MMP16: variants seen among roughly 807,000 people sequenced by gnomAD.
MMP16 encodes the protein matrix metallopeptidase 16.
MMP16 carries 12 observed loss-of-function variants against 67.8 expected under a neutral mutation model. The ratio of observed to expected loss-of-function variants is 0.18; its 90% CI spans 0.11 to 0.29. The LOEUF (loss-of-function observed/expected upper bound fraction) is 0.29. Among genes scored for constraint, MMP16 ranks in the 10% least tolerant of loss-of-function variants. MMP16 has a pLI of 1.00. For missense variants in MMP16, 475 were observed against 765.7 expected, an observed-to-expected ratio of 0.62 and a Z score of 4.48; for synonymous variants, 249 against 255.9, an observed-to-expected ratio of 0.97 and a Z score of 0.26.
intron 1 of MMP16, among the ~76,000 whole-genome samples, chr8:88,288,341 A>AT (rs576496927): frequency 2.0e-5 from 3 of 151,640 alleles, no homozygotes; most frequent in Non-Finnish European, 4.4e-5. Context: ...TCAGGACACC[A>AT]TTTTTTTTCT....
chr8:88,184,563 GAAAAA>G (rs59310737), intron 3 of MMP16, among the ~76,000 whole-genome samples: 14 of 10,932 alleles, frequency 1.3e-3, no homozygotes, highest in African/African-American at 4.8e-3. Flanking sequence ...CTCTCTCTCT[GAAAAA>G]AAAAAAAAAA....
At chr8:88,087,122 A>T (rs1335838034) in intron 6 of MMP16, among the ~76,000 whole-genome samples, 2 of 151,846 alleles carry the variant, frequency 1.3e-5, no homozygotes, top group African/African-American at 4.9e-5. Flanking sequence ...TCCTGCTCCT[A>T]TAGTCCTAAA....
chr8:88,161,953 C>G (rs1338219836), intron 4 of MMP16, among the ~76,000 whole-genome samples: 1 of 152,024 alleles, frequency 6.6e-6, no homozygotes, highest in Non-Finnish European at 1.5e-5. Context: ...TTTACATTTG[C>G]TGATGAGTGC....
chr8:88,257,474 C>T (rs1027372854), intron 1 of MMP16, among the ~76,000 whole-genome samples: 2 of 152,178 alleles, frequency 1.3e-5, no homozygotes, highest in South Asian at 4.1e-4. Flanking sequence ...ATCTAGTTTA[C>T]AATTACTTTT....
At chr8:88,074,122 T>C (rs1049833035) in intron 7 of MMP16, among the ~76,000 whole-genome samples, 5 of 152,184 alleles carry the variant, frequency 3.3e-5, no homozygotes, top group Admixed American at 2.0e-4. Context: ...AGACAATACA[T>C]TTCATGATAC....
chr8:88,067,059 A>G (rs934091960), intron 7 of MMP16, among the ~76,000 whole-genome samples: 1 of 152,062 alleles, frequency 6.6e-6, no homozygotes, highest in Admixed American at 6.6e-5. Flanking sequence ...GAGATCATAG[A>G]ATATTTATAA....
chr8:88,213,849 CTCTT>C (rs1308692324), intron 1 of MMP16, among the ~76,000 whole-genome samples: 1 of 152,148 alleles, frequency 6.6e-6, no homozygotes, highest in East Asian at 1.9e-4. Context: ...CCTTCTCCTT[CTCTT>C]TCTGTTTCCT....
intron 6 of MMP16, among the ~76,000 whole-genome samples, chr8:88,090,687 AG>A (rs1808919110): frequency 6.6e-6 from 1 of 151,912 alleles, no homozygotes; most frequent in African/African-American, 2.4e-5. Context: ...TTACAACTAA[AG>A]ATGTGTCTAC....
In MMP16 at chr8:88,272,612, A is replaced by G. The variant is rs558596159; in HGVS notation, c.132+54463T>C. Among the ~76,000 whole-genome samples the G allele has an allele frequency of 2.9e-3, 448 of 152,352 alleles. 4 individuals are homozygous for G. Among genetic ancestry groups the G allele is most frequent in the African/African-American group, 0.01 (432 of 41,574 alleles). On this transcript the variant is annotated intron_variant, in intron 1 of 9. Coordinates refer to ENST00000286614, the MANE Select transcript of MMP16 (RefSeq NM_005941.5). ...GGGGGCAATGGGACAATTGGTAAGTAAATGTGATCACATAACTAGGGTAGA... is the reference window on the plus strand; with the variant it reads ...GGGGGCAATGGGACAATTGGTAAGTGAATGTGATCACATAACTAGGGTAGA...
intron 1 of MMP16, among the ~76,000 whole-genome samples, chr8:88,324,440 T>G (rs1017267302): frequency 2.4e-4 from 37 of 152,144 alleles, no homozygotes; most frequent in African/African-American, 8.9e-4. Context: ...TAAAAAAGAA[T>G]GGGGGGACCA....
At chr8:88,090,099 C>G (rs1476346222) in intron 6 of MMP16, among the ~76,000 whole-genome samples, 1 of 151,896 alleles carries the variant, frequency 6.6e-6, no homozygotes, top group Non-Finnish European at 1.5e-5. Context: ...TTAATTTTTT[C>G]TCCCTGTCTT....
At chr8:88,165,810 A>T (rs781342930) in intron 4 of MMP16, among the ~76,000 whole-genome samples, 44 of 152,200 alleles carry the variant, frequency 2.9e-4, no homozygotes, top group Non-Finnish European at 4.7e-4. Context: ...ACAAGTCTAC[A>T]CATTTTTGAA....
At chr8:88,114,210 A>G (rs577386590) in intron 6 of MMP16, among the ~76,000 whole-genome samples, 1 of 151,940 alleles carries the variant, frequency 6.6e-6, no homozygotes, top group South Asian at 2.1e-4. Context: ...CTTTCTTTAC[A>G]TCTATCCAAT....
chr8:88,180,047 C>T lies in MMP16; in HGVS notation c.404+6429G>A, dbSNP rs187591431. 2.9e-3 allele frequency among the ~76,000 whole-genome samples: 442 copies of T among 152,072 alleles called. 4 individuals are homozygous for T. The Middle Eastern group carries it at 0.048, about 16-fold the overall frequency. On this transcript the variant is annotated intron_variant, in intron 3 of 9. Transcript: ENST00000286614. ...GTGCAATCCCAGCACTTTGGGAGGCCGAGGCAGGCGGATCACCTGAGGTTG... is the reference window on the plus strand; with the variant it reads ...GTGCAATCCCAGCACTTTGGGAGGCTGAGGCAGGCGGATCACCTGAGGTTG...
At chr8:88,227,921 G>T (rs1459125292) in intron 1 of MMP16, among the ~76,000 whole-genome samples, 1 of 151,702 alleles carries the variant, frequency 6.6e-6, no homozygotes, top group Non-Finnish European at 1.5e-5. Flanking sequence ...ATAGACAAAG[G>T]GTTAATATCA....
At chr8:88,221,236 A>G (rs1298571315) in intron 1 of MMP16, among the ~76,000 whole-genome samples, 1 of 152,104 alleles carries the variant, frequency 6.6e-6, no homozygotes, top group African/African-American at 2.4e-5. Flanking sequence ...TGTTTTCTTC[A>G]GGCCCTAATA....
intron 4 of MMP16, among the ~76,000 whole-genome samples, chr8:88,167,274 G>A (rs1808730209): frequency 6.6e-6 from 1 of 151,974 alleles, no homozygotes; most frequent in Non-Finnish European, 1.5e-5. Flanking sequence ...AAGCCAGACT[G>A]CAGATGCTAA....
intron 8 of MMP16, among the ~76,000 whole-genome samples, chr8:88,047,256 G>A (rs1284516807): frequency 1.3e-5 from 2 of 152,090 alleles, no homozygotes; most frequent in Non-Finnish European, 2.9e-5. Flanking sequence ...TACATATTTA[G>A]TGAATATATA....
At chr8:88,293,329 CT>C (rs148375979) in intron 1 of MMP16, among the ~76,000 whole-genome samples, 15 of 151,642 alleles carry the variant, frequency 9.9e-5, no homozygotes, top group Non-Finnish European at 1.6e-4. Flanking sequence ...CTACTTAATG[CT>C]TTTTTTTAAG....
Sources: gnomAD v4.1 joint callset for allele counts (sites outside exome capture counted in the v4.1 genomes callset) on GRCh38, gnomAD v4.1.1 for gene constraint, MANE v1.5 for transcripts, NCBI Gene and HGNC (gene_info 2026-07-23, HGNC 2026-07-21) for gene names.